The following MAP4K3 variants were observed in gnomAD, a reference collection of about 807,000 sequenced individuals.
MAP4K3 encodes mitogen-activated protein kinase kinase kinase kinase 3.
MAP4K3 carries 94 observed loss-of-function variants against 143.5 expected under a neutral mutation model. The ratio of observed to expected loss-of-function variants is 0.65; its 90% confidence interval spans 0.55 to 0.78. MAP4K3 has a LOEUF of 0.78. MAP4K3 is among the 30% of genes least tolerant of loss of function. The pLI is 0.00. For synonymous variants in MAP4K3, 416 were observed against 347.2 expected, an observed-to-expected ratio of 1.20 and a Z score of -2.20; for missense variants, 1,077 against 1,068.1, an observed-to-expected ratio of 1.01 and a Z score of -0.12.
At chr2:39,250,863 G>A (rs1031234824) in intron 33 of MAP4K3, among the ~76,000 whole-genome samples, 158 bp from the exon 34 acceptor site, 17 of 152,204 alleles carry the variant, frequency 1.1e-4, no homozygotes, top group Non-Finnish European at 2.1e-4. Context: ...TACAGGGCCA[G>A]TTCTAGCTCT....
At chr2:39,334,358 G>C (rs1390547308) in intron 6 of MAP4K3, among the ~76,000 whole-genome samples, 4 of 152,022 alleles carry the variant, frequency 2.6e-5, no homozygotes, top group African/African-American at 4.8e-5. Flanking sequence ...TATGGGTTTG[G>C]TGGAAAAAAT....
intron 1 of MAP4K3, among the ~76,000 whole-genome samples, chr2:39,382,815 CT>C (rs1257104449): frequency 2.0e-5 from 3 of 152,108 alleles, no homozygotes; most frequent in African/African-American, 7.2e-5. Flanking sequence ...ATGTTACTGA[CT>C]TTTAGAAAAT....
At chr2:39,376,319 CAT>C (rs1322156468) in intron 2 of MAP4K3, among the ~76,000 whole-genome samples, 1 of 152,054 alleles carries the variant, frequency 6.6e-6, no homozygotes. Context: ...ATAGAGGAAA[CAT>C]ATTTATGGTG....
At chr2:39,308,154 T>G (rs530613315) in intron 14 of MAP4K3, 149 bp from the exon 15 acceptor site, 11 of 443,032 alleles carry the variant, frequency 2.5e-5, no homozygotes, top group Non-Finnish European at 3.9e-5. Context: ...AGGCAGCTTC[T>G]AAAAAAGCAA....
chr2:39,316,308 T>C (rs1004686245), intron 12 of MAP4K3, among the ~76,000 whole-genome samples: 1 of 152,188 alleles, frequency 6.6e-6, no homozygotes, highest in Non-Finnish European at 1.5e-5. Flanking sequence ...AAGAAAAAGC[T>C]GAAAAAATAT....
chr2:39,395,802 T>C lies in MAP4K3; in HGVS notation c.97-17679A>G, dbSNP rs113933309. On this transcript the variant is annotated intron_variant, in intron 1 of 33. Coordinates refer to ENST00000263881, the MANE Select transcript of MAP4K3 (RefSeq NM_003618.4). The stretch of plus-strand genomic sequence containing the variant: ...CTGGAAAACACTATCAAATAATTCT[T>C]TCCATCTGTTTAGTTAAAAGGAGGG... Among the ~76,000 whole-genome samples the C allele has an allele frequency of 1.3e-3, 200 of 152,304 alleles. 3 individuals are homozygous for C. The highest frequency in any genetic ancestry group is 4.7e-3 in the African/African-American group (194 of 41,552).
intron 1 of MAP4K3, among the ~76,000 whole-genome samples, chr2:39,428,682 CAAAAA>C (rs145652216): frequency 6.8e-6 from 1 of 147,072 alleles, no homozygotes; most frequent in Non-Finnish European, 1.5e-5. Context: ...AACTCTGCCT[CAAAAA>C]AAAAATCTTT....
At chr2:39,270,494 A>G (rs1463112172) in intron 26 of MAP4K3, among the ~76,000 whole-genome samples, 1 of 152,208 alleles carries the variant, frequency 6.6e-6, no homozygotes. Flanking sequence ...ATTTCTTGAG[A>G]GCTTACTAGG....
intron 15 of MAP4K3, among the ~76,000 whole-genome samples, chr2:39,305,587 T>G (rs1400810513): frequency 2.0e-5 from 3 of 152,182 alleles, no homozygotes; most frequent in Non-Finnish European, 2.9e-5. Context: ...ATTTTATAAG[T>G]TGTATACTCT....
intron 1 of MAP4K3, among the ~76,000 whole-genome samples, chr2:39,414,731 TG>T: frequency 6.6e-6 from 1 of 152,016 alleles, no homozygotes; most frequent in Non-Finnish European, 1.5e-5. Flanking sequence ...AAAAATTAGC[TG>T]GGCGTGGTGG....
At chr2:39,253,259 G>A (rs1405371788) in intron 32 of MAP4K3, among the ~76,000 whole-genome samples, 5 of 152,190 alleles carry the variant, frequency 3.3e-5, no homozygotes, top group South Asian at 2.1e-4. Context: ...AGCCTCTCCC[G>A]AGTAGCTGGG....
intron 28 of MAP4K3, among the ~76,000 whole-genome samples, chr2:39,264,617 T>G (rs890584070): frequency 1.3e-5 from 2 of 152,222 alleles, no homozygotes; most frequent in Admixed American, 6.5e-5. Context: ...TTAAAATTCA[T>G]TTGGTATTTC....
intron 2 of MAP4K3, among the ~76,000 whole-genome samples, chr2:39,372,876 T>TG (rs1666120588): frequency 6.6e-6 from 1 of 152,164 alleles, no homozygotes; most frequent in African/African-American, 2.4e-5. Context: ...GACACTGGTG[T>TG]GGGCAAAGAT....
chr2:39,433,356 A>C (rs1465063892), intron 1 of MAP4K3, among the ~76,000 whole-genome samples: 1 of 152,192 alleles, frequency 6.6e-6, no homozygotes, highest in Non-Finnish European at 1.5e-5. Context: ...GCCTTATCCC[A>C]TCTCCAGCTT....
chr2:39,357,069 G>A (rs891693594), intron 2 of MAP4K3, among the ~76,000 whole-genome samples: 26 of 152,190 alleles, frequency 1.7e-4, no homozygotes, highest in African/African-American at 6.0e-4. Context: ...GAATGGGACT[G>A]TATTTTAGCC....
At chr2:39,343,295 T>C (rs777375522) in intron 4 of MAP4K3, 93 bp downstream of exon 4, 18 of 833,540 alleles carry the variant, frequency 2.2e-5, no homozygotes, top group Non-Finnish European at 2.9e-5. Context: ...ATAGCTTGCT[T>C]TCCTTAAGAT....
chr2:39,322,251 A>G (rs1258755049), intron 12 of MAP4K3, among the ~76,000 whole-genome samples: 1 of 152,140 alleles, frequency 6.6e-6, no homozygotes, highest in East Asian at 1.9e-4. Context: ...AAACAAAAAC[A>G]GGTAACATGC....
At chr2:39,414,691 C>T (rs528739956) in intron 1 of MAP4K3, among the ~76,000 whole-genome samples, 5 of 152,194 alleles carry the variant, frequency 3.3e-5, no homozygotes, top group African/African-American at 4.8e-5. Context: ...CTGGCTAACA[C>T]GGTGAAACCC....
intron 12 of MAP4K3, among the ~76,000 whole-genome samples, chr2:39,319,410 G>A (rs1219648585): frequency 1.3e-5 from 2 of 151,990 alleles, no homozygotes; most frequent in African/African-American, 4.8e-5. Context: ...GATTACTTGG[G>A]GATACAAAAC....
Sources: allele counts gnomAD v4.1 joint callset (sites outside exome capture counted in the v4.1 genomes callset), GRCh38; gene constraint gnomAD v4.1.1; transcripts MANE v1.5; gene names NCBI Gene and HGNC (gene_info 2026-07-23, HGNC 2026-07-21).